The following PAPPA2 variants were observed in gnomAD, a reference collection of about 807,000 sequenced individuals.
PAPPA2 encodes pappalysin-2.
PAPPA2 carries 86 observed loss-of-function variants against 176.4 expected under a neutral mutation model. The ratio of observed to expected loss-of-function variants is 0.49; its 90% CI spans 0.41 to 0.58. PAPPA2 has a LOEUF of 0.58. Ranked by LOEUF, PAPPA2 falls within the 20% of genes least tolerant of loss-of-function variation. The pLI, the probability that PAPPA2 is intolerant of heterozygous loss-of-function variation, is 0.00. For missense variants in PAPPA2, 2,073 were observed against 2,256.9 expected, an observed-to-expected ratio of 0.92 and a Z score of 1.65; for synonymous variants, 809 against 852.2, an observed-to-expected ratio of 0.95 and a Z score of 0.88.
intron 12 of PAPPA2, among the ~76,000 whole-genome samples, chr1:176,733,328 A>T (rs1042430532): frequency 2.0e-5 from 3 of 152,144 alleles, no homozygotes; most frequent in Non-Finnish European, 4.4e-5. Context: ...AAATGAATCT[A>T]TGTGGATCCC....
rs1558478866 is a variant in PAPPA2, at chr1:176,623,576, C to CCTTCCT, written c.1991+27981_1991+27982insCTTCCT. On this transcript the variant is annotated intron_variant, in intron 3 of 22. Transcript: ENST00000367662. ...ATTTTCCCCTTCCTTCCTTCCTTCC[C>CCTTCCT]TCCTTCCTTCCTTCCTTCCTTCCTT... Among the ~76,000 whole-genome samples the CCTTCCT allele has an allele frequency of 5.6e-4, 48 of 84,980 alleles. 1 individual carries two copies. Among genetic ancestry groups the CCTTCCT allele is most frequent in the African/African-American group, 2.3e-3 (36 of 15,776 alleles). The allele number at this position is 84,980 out of a possible 152,430, so 55.8% of individuals were successfully genotyped here.
intron 2 of PAPPA2, among the ~76,000 whole-genome samples, chr1:176,564,322 C>G (rs986362206): frequency 6.6e-6 from 1 of 152,176 alleles, no homozygotes; most frequent in Non-Finnish European, 1.5e-5. Context: ...TGTAAAAGGA[C>G]AGATAGTAGA....
intron 21 of PAPPA2, among the ~76,000 whole-genome samples, chr1:176,815,478 C>T (rs1666337052): frequency 6.6e-6 from 1 of 152,082 alleles, no homozygotes; most frequent in Admixed American, 6.6e-5. Context: ...GTTTTTGCTT[C>T]ACCTGTTTCA....
chr1:176,766,544 T>C (rs1663972861), intron 15 of PAPPA2, among the ~76,000 whole-genome samples: 1 of 152,232 alleles, frequency 6.6e-6, no homozygotes, highest in South Asian at 2.1e-4. Context: ...ATTTTTTAAA[T>C]GATTAGAACA....
At chr1:176,528,204 T>C (rs1649601115) in intron 1 of PAPPA2, among the ~76,000 whole-genome samples, 1 of 152,126 alleles carries the variant, frequency 6.6e-6, no homozygotes, top group Non-Finnish European at 1.5e-5. Flanking sequence ...CATTAAGAAC[T>C]CAAGTGGTCC....
intron 1 of PAPPA2, among the ~76,000 whole-genome samples, chr1:176,541,191 C>A (rs1351522092): frequency 6.6e-6 from 1 of 152,228 alleles, no homozygotes; most frequent in South Asian, 2.1e-4. Context: ...ACAGTTCTAA[C>A]CACTATTGAG....
chr1:176,556,680 G>T lies in PAPPA2; in HGVS notation c.358G>T (p.Gly120Cys), dbSNP rs1558434804. ...DLTENPAGLR[G>C]AVEEPAAPWV... is the part of the protein sequence containing the mutation. ...GACTGAAAATCCAGCAGGACTGAGG[G>T]GTGCAGTTGAAGAGCCGGCTGCCCC... Residue 120 changes from glycine to cysteine, a missense_variant, in exon 2 of 23, where the codon GGT becomes TGT. Around this residue, in one of 4 missense-constraint regions of PAPPA2, gnomAD observed 1,196 missense variants for 1,330.4 expected, o/e 0.90. Coordinates refer to ENST00000367662, the MANE Select transcript of PAPPA2 (RefSeq NM_020318.3). 1 of 1,614,166 alleles carries T rather than the reference G, an allele frequency of 6.2e-7. No homozygotes were observed. The highest frequency in any genetic ancestry group is 1.7e-5 in the Admixed American group (1 of 60,028).
intron 21 of PAPPA2, among the ~76,000 whole-genome samples, chr1:176,817,054 C>T (rs1666435545): frequency 6.6e-6 from 1 of 152,104 alleles, no homozygotes; most frequent in Non-Finnish European, 1.5e-5. Context: ...TAGGAATCCC[C>T]AGTCTGCCTT....
chr1:176,648,637 CA>C (rs1197702324), intron 3 of PAPPA2, among the ~76,000 whole-genome samples: 1 of 151,548 alleles, frequency 6.6e-6, no homozygotes, highest in Non-Finnish European at 1.5e-5. Context: ...TGGTTTTTAT[CA>C]TAAACTGTTG....
chr1:176,551,827 G>T (rs984114888), intron 1 of PAPPA2, among the ~76,000 whole-genome samples: 1 of 152,108 alleles, frequency 6.6e-6, no homozygotes, highest in Admixed American at 6.6e-5. Flanking sequence ...CTTTAGGGGG[G>T]TGGGTGTCTG....
At chr1:176,554,972 A>AGTGTGTGTGTGT (rs561289002) in intron 1 of PAPPA2, among the ~76,000 whole-genome samples, 22 of 140,918 alleles carry the variant, frequency 1.6e-4, no homozygotes, top group African/African-American at 5.3e-4. Context: ...GTTCACAGTA[A>AGTGTGTGTGTGT]GTGTGTGTGT....
intron 2 of PAPPA2, among the ~76,000 whole-genome samples, chr1:176,572,918 T>C (rs1652434521): frequency 6.6e-6 from 1 of 152,234 alleles, no homozygotes; most frequent in African/African-American, 2.4e-5. Flanking sequence ...AAGGGTAGTA[T>C]TAATTCTATA....
At chr1:176,781,959 T>G (rs541206690) in intron 17 of PAPPA2, among the ~76,000 whole-genome samples, 1 of 152,304 alleles carries the variant, frequency 6.6e-6, no homozygotes, top group South Asian at 2.1e-4. Context: ...TTCTAATTCA[T>G]GCAATGGAAA....
At chr1:176,750,246 A>G (rs1452004461) in intron 14 of PAPPA2, among the ~76,000 whole-genome samples, 1 of 152,104 alleles carries the variant, frequency 6.6e-6, no homozygotes, top group Admixed American at 6.6e-5. Flanking sequence ...AAAAATGCAT[A>G]TAATTTTTGA....
rs142251134 is a variant in PAPPA2, at chr1:176,809,824, T to C, written c.5202+9692T>C. Among the ~76,000 whole-genome samples the C allele has an allele frequency of 1.9e-3, 291 of 152,216 alleles. 1 individual carries two copies. The highest frequency in any genetic ancestry group is 6.6e-3 in the African/African-American group (273 of 41,544). On this transcript the variant is annotated intron_variant, in intron 21 of 22. Coordinates refer to ENST00000367662, the MANE Select transcript of PAPPA2 (RefSeq NM_020318.3). ...GATCAGAGGAGGGGATGGGGAAGGT[T>C]AGCTTGCCGGAGACATTGCCCGAGG...
At chr1:176,533,088 C>T (rs943430202) in intron 1 of PAPPA2, among the ~76,000 whole-genome samples, 2 of 152,214 alleles carry the variant, frequency 1.3e-5, no homozygotes, top group African/African-American at 4.8e-5. Flanking sequence ...TTATTCCTGT[C>T]AAAGCTTTGG....
chr1:176,840,902 A>G (rs1667464531), intron 22 of PAPPA2, among the ~76,000 whole-genome samples: 1 of 152,242 alleles, frequency 6.6e-6, no homozygotes, highest in African/African-American at 2.4e-5. Flanking sequence ...TTGGGTCAAT[A>G]TGATAAATCT....
At chr1:176,517,648 T>TAG (rs1276564904) in intron 1 of PAPPA2, among the ~76,000 whole-genome samples, 2 of 152,176 alleles carry the variant, frequency 1.3e-5, no homozygotes, top group African/African-American at 4.8e-5. Context: ...CAGGGCAAGA[T>TAG]AGAGGCTCAG....
Position 176,595,527 on chromosome 1 carries a change from C to T in PAPPA2, c.1923C>T (p.Asp641=), listed in dbSNP as rs373092547. 104 of 1,614,130 alleles carry T rather than the reference C, an allele frequency of 6.4e-5. No individual in the cohort carries two copies. Among genetic ancestry groups the T allele is most frequent in the South Asian group, 1.9e-4 (17 of 91,084 alleles). Residue 641 remains aspartate (D), a synonymous_variant, in exon 3 of 23, where the codon GAC becomes GAT. Transcript: ENST00000367662. ...ACAACATGCTGAACGACTTTGACGACGGAGACTGCTGCGACCCCCAGGTGG... is the reference window on the plus strand; with the variant it reads ...ACAACATGCTGAACGACTTTGACGATGGAGACTGCTGCGACCCCCAGGTGG... The part of the protein sequence containing the change: ...ECNNMLNDFD[D]GDCCDPQVAD...
Sources: allele counts gnomAD v4.1 joint callset (sites outside exome capture counted in the v4.1 genomes callset), GRCh38; gene constraint gnomAD v4.1.1; regional missense constraint gnomAD v4.1.1; transcripts MANE v1.5; gene names NCBI Gene and HGNC (gene_info 2026-07-23, HGNC 2026-07-21).